CDH4: variants seen among roughly 807,000 people sequenced by gnomAD.
CDH4 encodes cadherin-4.
Under a neutral mutation model 86.0 loss-of-function variants are expected in CDH4, and 33 were observed. That is an observed-to-expected ratio of 0.38 (90% CI 0.29 to 0.51). The LOEUF (loss-of-function observed/expected upper bound fraction) is 0.51. Ranked by LOEUF, CDH4 falls within the 20% of genes least tolerant of loss-of-function variation. The pLI, the probability that CDH4 is intolerant of heterozygous loss-of-function variation, is 0.86. For synonymous variants in CDH4, 555 were observed against 549.4 expected (o/e 1.01, Z -0.14); for missense variants, 1,114 against 1,307.4 (o/e 0.85, Z 2.28).
chr20:61,532,421 T>C (rs1312389358), intron 2 of CDH4, among the ~76,000 whole-genome samples: 1 of 152,204 alleles, frequency 6.6e-6, no homozygotes, highest in African/African-American at 2.4e-5. Flanking sequence ...AATGAACCTC[T>C]TCGGTTTCAG....
At chr20:61,615,708 T>C (rs962345215) in intron 2 of CDH4, among the ~76,000 whole-genome samples, 8 of 152,142 alleles carry the variant, frequency 5.3e-5, no homozygotes, top group Admixed American at 1.3e-4. Context: ...TCATTATCAA[T>C]GTAGGGATGC....
intron 4 of CDH4, among the ~76,000 whole-genome samples, chr20:61,823,437 G>A (rs1360773940): frequency 6.6e-6 from 1 of 151,866 alleles, no homozygotes; most frequent in Non-Finnish European, 1.5e-5. Context: ...TGGTGGTAGA[G>A]GAAGAGAAAG....
At chr20:61,872,612 G>T (rs1479435081) in intron 6 of CDH4, among the ~76,000 whole-genome samples, 1 of 152,190 alleles carries the variant, frequency 6.6e-6, no homozygotes, top group Admixed American at 6.5e-5. Flanking sequence ...TCTCCTCTGT[G>T]CATGAACGCT....
intron 12 of CDH4, 53 bp downstream of exon 12, chr20:61,928,476 C>T (rs1415920580): frequency 2.0e-6 from 3 of 1,487,908 alleles, no homozygotes; most frequent in Admixed American, 3.4e-5. Context: ...GGTGCAGGCC[C>T]CTGGGAGACC....
At chr20:61,870,104 C>A (rs910442024) in intron 6 of CDH4, among the ~76,000 whole-genome samples, 2 of 152,178 alleles carry the variant, frequency 1.3e-5, no homozygotes, top group Non-Finnish European at 2.9e-5. Context: ...TGCTGGGAGT[C>A]CTGGGCTGAC....
intron 2 of CDH4, among the ~76,000 whole-genome samples, chr20:61,373,872 TG>T (rs1301890394): frequency 1.3e-5 from 2 of 152,182 alleles, no homozygotes. Flanking sequence ...TGTGGGTGAC[TG>T]TATAAACTCT....
At chr20:61,707,044 C>T (rs966352576) in intron 2 of CDH4, among the ~76,000 whole-genome samples, 8 of 152,224 alleles carry the variant, frequency 5.3e-5, no homozygotes, top group Admixed American at 2.6e-4. Flanking sequence ...GCTTCCGTGG[C>T]GGTACTCTCT....
At chr20:61,614,234 C>A (rs1568713695) in intron 2 of CDH4, among the ~76,000 whole-genome samples, 1 of 152,046 alleles carries the variant, frequency 6.6e-6, no homozygotes, top group South Asian at 2.1e-4. Context: ...ATTATGGGAA[C>A]TTTTTGCCCC....
rs761904204 is a variant in CDH4, at chr20:61,934,249, G to A, written c.2544+29G>A. ...TGTGCCTCTCGGCAGTGGGGGGCCC[G>A]GGCAAGGTGTCTCCTCTAAAAATTA... On this transcript the variant is annotated intron_variant, in intron 15 of 15. Coordinates refer to ENST00000614565, the MANE Select transcript of CDH4 (RefSeq NM_001794.5). The A allele has an allele frequency of 1.0e-4, 155 of 1,507,358 alleles. No homozygotes were observed. Among genetic ancestry groups the A allele is most frequent in the South Asian group, 1.4e-4 (11 of 76,188 alleles). 93.4% of individuals were successfully genotyped at this position (1,507,358 alleles called of 1,614,324 possible).
At chr20:61,654,400 C>CAGAGGGAGACCGTGGAAAGAGGG in intron 2 of CDH4, among the ~76,000 whole-genome samples, 1 of 152,144 alleles carries the variant, frequency 6.6e-6, no homozygotes, top group African/African-American at 2.4e-5. Context: ...GGCTCGGCAT[C>CAGAGGGAGACCGTGGAAAGAGGG]AGAGGGAGAC....
chr20:61,702,425 G>T (rs572269988), intron 2 of CDH4, among the ~76,000 whole-genome samples: 1 of 152,300 alleles, frequency 6.6e-6, no homozygotes, highest in South Asian at 2.1e-4. Context: ...ACAAAACATT[G>T]CTCTGTAAAA....
intron 2 of CDH4, among the ~76,000 whole-genome samples, chr20:61,359,493 C>G (rs917028439): frequency 3.3e-5 from 5 of 152,198 alleles, no homozygotes; most frequent in African/African-American, 7.2e-5. Flanking sequence ...TCCTTCCCAC[C>G]ACCTCCACGC....
intron 4 of CDH4, among the ~76,000 whole-genome samples, chr20:61,808,059 C>G (rs912944759): frequency 2.6e-5 from 4 of 152,098 alleles, no homozygotes; most frequent in African/African-American, 7.2e-5. Flanking sequence ...CTGAGACCAG[C>G]AAGTGTGGTC....
At chr20:61,710,038 C>T (rs920809948) in intron 2 of CDH4, among the ~76,000 whole-genome samples, 12 of 152,086 alleles carry the variant, frequency 7.9e-5, no homozygotes, top group Non-Finnish European at 1.0e-4. Flanking sequence ...TTCCCCTGTC[C>T]GTGGGCGGCC....
chr20:61,374,690 G>C (rs997238942), intron 2 of CDH4, among the ~76,000 whole-genome samples: 2 of 152,202 alleles, frequency 1.3e-5, no homozygotes, highest in African/African-American at 4.8e-5. Flanking sequence ...TGGGCCTTGA[G>C]TGGAGTTCGG....
intron 2 of CDH4, among the ~76,000 whole-genome samples, chr20:61,429,737 G>T (rs2085234856): frequency 6.8e-6 from 1 of 147,118 alleles, no homozygotes; most frequent in South Asian, 2.1e-4. Flanking sequence ...ATGAATAGAT[G>T]GATGGATGGA....
At chr20:61,332,172 C>T (rs2084585403) in intron 2 of CDH4, among the ~76,000 whole-genome samples, 1 of 152,202 alleles carries the variant, frequency 6.6e-6, no homozygotes, top group African/African-American at 2.4e-5. Context: ...CTGCCCGTGG[C>T]CCTCACTCCT....
At chr20:61,467,420 G>A (rs1202438673) in intron 2 of CDH4, among the ~76,000 whole-genome samples, 1 of 152,174 alleles carries the variant, frequency 6.6e-6, no homozygotes, top group African/African-American at 2.4e-5. Context: ...CTCTGTGGTC[G>A]TTTCTCTGAA....
chr20:61,790,439 T>C (rs1979116435), intron 4 of CDH4, among the ~76,000 whole-genome samples: 1 of 151,072 alleles, frequency 6.6e-6, no homozygotes, highest in Non-Finnish European at 1.5e-5. Flanking sequence ...TCTCCATCCA[T>C]CCATTCATCC....
Sources: gnomAD v4.1 joint callset for allele counts (sites outside exome capture counted in the v4.1 genomes callset) on GRCh38, gnomAD v4.1.1 for gene constraint, MANE v1.5 for transcripts, NCBI Gene and HGNC (gene_info 2026-07-23, HGNC 2026-07-21) for gene names.